Variants in SPAG16 observed in about 807,000 individuals in gnomAD.
The protein encoded by SPAG16 is sperm associated antigen 16, also known as sperm-associated antigen 16 protein.
In SPAG16, 86 loss-of-function variants were observed where a neutral mutation model predicts 80.4. The observed-to-expected ratio is 1.07, with a 90% CI of 0.90 to 1.28. The LOEUF (loss-of-function observed/expected upper bound fraction) is 1.28. Ranked by LOEUF, SPAG16 falls within the 50% of genes most tolerant of loss-of-function variation. The pLI is 0.00. For synonymous variants in SPAG16, 294 were observed against 265.9 expected (o/e 1.11, Z -1.03); for missense variants, 870 against 765.3 (o/e 1.14, Z -1.61).
rs188151852 is a variant in SPAG16, at chr2:213,581,280, C to T, written c.1070+91190C>T. Among the ~76,000 whole-genome samples, 3 of 152,158 alleles carry T rather than the reference C, an allele frequency of 2.0e-5. No individual in the cohort carries two copies. In the East Asian group the frequency reaches 5.8e-4, roughly 29 times the overall value. On this transcript the variant is annotated intron_variant, in intron 10 of 15. Transcript: ENST00000331683. ...TTGCACCACCTGGAGTACAGTGGTACAATCATGGTTCATTGTAGCCTCAAG... is the reference window on the plus strand; with the variant it reads ...TTGCACCACCTGGAGTACAGTGGTATAATCATGGTTCATTGTAGCCTCAAG...
At chr2:214,291,850 T>TA (rs1218142255) in intron 15 of SPAG16, among the ~76,000 whole-genome samples, 1 of 152,220 alleles carries the variant, frequency 6.6e-6, no homozygotes, top group African/African-American at 2.4e-5. Flanking sequence ...GGTTTATCAG[T>TA]AAGTTTTATA....
At chr2:213,316,282 C>T (rs1445824221) in intron 4 of SPAG16, among the ~76,000 whole-genome samples, 1 of 151,978 alleles carries the variant, frequency 6.6e-6, no homozygotes, top group Admixed American at 6.6e-5. Flanking sequence ...TTACCAACAC[C>T]TGACAGTTGA....
intron 15 of SPAG16, among the ~76,000 whole-genome samples, chr2:214,193,894 A>G (rs2057750133): frequency 6.6e-6 from 1 of 152,108 alleles, no homozygotes; most frequent in Non-Finnish European, 1.5e-5. Flanking sequence ...AAAGTAGATC[A>G]TTTAGTTTAA....
intron 11 of SPAG16, among the ~76,000 whole-genome samples, chr2:213,870,007 C>T (rs1322939730): frequency 6.6e-6 from 1 of 152,146 alleles, no homozygotes; most frequent in Non-Finnish European, 1.5e-5. Context: ...TTGTACGTAG[C>T]AATTATAATG....
At chr2:214,382,912 C>A (rs1700531641) in intron 15 of SPAG16, among the ~76,000 whole-genome samples, 1 of 152,056 alleles carries the variant, frequency 6.6e-6, no homozygotes, top group Non-Finnish European at 1.5e-5. Context: ...CATAAAGGAG[C>A]TCTGAATGTC....
intron 13 of SPAG16, among the ~76,000 whole-genome samples, chr2:214,052,827 G>A (rs528141793): frequency 1.2e-4 from 18 of 151,992 alleles, no homozygotes; most frequent in Middle Eastern, 3.4e-3. Flanking sequence ...AAAAAGAGAC[G>A]AAAAAAGGGA....
intron 9 of SPAG16, among the ~76,000 whole-genome samples, chr2:213,467,269 G>T (rs544261933): frequency 7.2e-5 from 11 of 152,322 alleles, no homozygotes; most frequent in African/African-American, 2.6e-4. Flanking sequence ...TAAAGGTGGA[G>T]TTGGACCAGT....
chr2:213,933,051 T>C (rs2078837182), intron 12 of SPAG16, among the ~76,000 whole-genome samples: 3 of 143,704 alleles, frequency 2.1e-5, no homozygotes. Flanking sequence ...GAATAAAGAG[T>C]GATTCAACAA....
rs932693040 is a variant in SPAG16 at position 213,562,463 on chromosome 2, C to T, written c.1070+72373C>T. Among the ~76,000 whole-genome samples, 32 of 152,152 alleles carry T rather than the reference C, an allele frequency of 2.1e-4. 2 individuals carry two copies. Reference sequence around the variant, plus strand: ...TGACTCTTAAGTTTGTTCAGGCTGCCATAACATATCAAAATATCATAAACT... The same window carrying T: ...TGACTCTTAAGTTTGTTCAGGCTGCTATAACATATCAAAATATCATAAACT... On this transcript the variant is annotated intron_variant, in intron 10 of 15. Transcript: ENST00000331683.
intron 12 of SPAG16, among the ~76,000 whole-genome samples, chr2:213,996,490 T>C (rs16851251): frequency 0.014 from 2,193 of 151,988 alleles, 61 homozygotes; most frequent in African/African-American, 0.05. Flanking sequence ...AAAGCAGATA[T>C]ATCTTGGCCA....
At chr2:213,836,698 G>C (rs2074105513) in intron 10 of SPAG16, among the ~76,000 whole-genome samples, 1 of 151,804 alleles carries the variant, frequency 6.6e-6, no homozygotes, top group African/African-American at 2.4e-5. Flanking sequence ...TGCAACCTCT[G>C]CCTCCCAGGT....
At chr2:213,513,157 A>G (rs1353741514) in intron 10 of SPAG16, among the ~76,000 whole-genome samples, 3 of 152,024 alleles carry the variant, frequency 2.0e-5, no homozygotes, top group African/African-American at 7.2e-5. Flanking sequence ...TTATCACCTA[A>G]TTGCTTGTCT....
intron 15 of SPAG16, among the ~76,000 whole-genome samples, chr2:214,324,696 A>G (rs866148567): frequency 2.2e-4 from 33 of 152,324 alleles, no homozygotes; most frequent in Middle Eastern, 3.4e-3. Context: ...AGAAAAATGT[A>G]AAGAAAAGTT....
intron 11 of SPAG16, among the ~76,000 whole-genome samples, chr2:213,913,744 TAAAG>T (rs1344239002): frequency 6.6e-6 from 1 of 152,172 alleles, no homozygotes; most frequent in African/African-American, 2.4e-5. Flanking sequence ...GAGACAGAGA[TAAAG>T]AGAGAGAGAA....
At chr2:214,029,881 A>C (rs1406057722) in intron 13 of SPAG16, among the ~76,000 whole-genome samples, 5 of 152,126 alleles carry the variant, frequency 3.3e-5, no homozygotes, top group Non-Finnish European at 7.4e-5. Context: ...CAATTTGATG[A>C]ATTTGGACAT....
At chr2:214,168,240 C>T (rs1214351106) in intron 15 of SPAG16, among the ~76,000 whole-genome samples, 2 of 152,042 alleles carry the variant, frequency 1.3e-5, no homozygotes, top group Non-Finnish European at 2.9e-5. Flanking sequence ...GATCTGCCTG[C>T]CTCAGCCTCC....
rs558522655 is a variant in SPAG16 at position 213,919,557 on chromosome 2, G to A, written c.1215-10403G>A. Among the ~76,000 whole-genome samples the A allele has an allele frequency of 2.8e-4, 43 of 152,230 alleles. No homozygotes were observed. In the South Asian group the frequency reaches 8.5e-3, roughly 30 times the overall value. ...CTTTAATTTCATTATTTACTCAAAAGCCATTCAAGTGCAGCTATTCAATTT... is the reference window on the plus strand; with the variant it reads ...CTTTAATTTCATTATTTACTCAAAAACCATTCAAGTGCAGCTATTCAATTT... On this transcript the variant is annotated intron_variant, in intron 11 of 15. Coordinates refer to ENST00000331683, the MANE Select transcript of SPAG16 (RefSeq NM_024532.5).
chr2:213,434,305 T>C (rs756472897), intron 9 of SPAG16, among the ~76,000 whole-genome samples: 1 of 152,066 alleles, frequency 6.6e-6, no homozygotes, highest in Non-Finnish European at 1.5e-5. Context: ...TCTCAGCATA[T>C]AGAAAAATCA....
chr2:213,547,546 T>C lies in SPAG16; in HGVS notation c.1070+57456T>C, dbSNP rs146112245. Among the ~76,000 whole-genome samples, 19 of 152,328 alleles carry C rather than the reference T, an allele frequency of 1.2e-4. No individual in the cohort carries two copies. The East Asian group carries it at 3.7e-3, about 29-fold the overall frequency. On this transcript the variant is annotated intron_variant, in intron 10 of 15. Coordinates refer to ENST00000331683, the MANE Select transcript of SPAG16 (RefSeq NM_024532.5). ...ACCTATTTTTTAAAGAACAGTGTAA[T>C]TGATTTTTAAATCATGACATTTTAA...
Sources: allele counts gnomAD v4.1 joint callset (sites outside exome capture counted in the v4.1 genomes callset), GRCh38; gene constraint gnomAD v4.1.1; transcripts MANE v1.5; gene names NCBI Gene and HGNC (gene_info 2026-07-23, HGNC 2026-07-21).